Variants in BTRC observed in about 807,000 individuals in gnomAD.
BTRC encodes beta-transducin repeat containing E3 ubiquitin protein ligase.
A neutral mutation model predicts 85.5 loss-of-function variants in BTRC; 42 were observed. That is an observed-to-expected ratio of 0.49 (90% CI 0.38 to 0.64). BTRC has a LOEUF of 0.64. BTRC is among the 30% of genes least tolerant of loss of function. The pLI is 0.00. For synonymous variants in BTRC, 255 were observed against 263.3 expected (o/e 0.97, Z 0.30); for missense variants, 594 against 743.5 (o/e 0.80, Z 2.34).
intron 1 of BTRC, among the ~76,000 whole-genome samples, chr10:101,404,869 G>A (rs1943581699): frequency 6.6e-6 from 1 of 151,984 alleles, no homozygotes; most frequent in Non-Finnish European, 1.5e-5. Flanking sequence ...GTGGTGGCGG[G>A]TGCCTGTAGT....
chr10:101,519,772 G>A (rs998477914), intron 4 of BTRC, among the ~76,000 whole-genome samples: 1 of 152,198 alleles, frequency 6.6e-6, no homozygotes, highest in African/African-American at 2.4e-5. Flanking sequence ...AAGGCGGGCA[G>A]CTCACCTGAG....
intron 1 of BTRC, among the ~76,000 whole-genome samples, chr10:101,382,169 G>A (rs1942951894): frequency 6.6e-6 from 1 of 151,326 alleles, no homozygotes; most frequent in Admixed American, 6.6e-5. Flanking sequence ...TTTTAGTAGA[G>A]ATGGGGTTTC....
rs77924889 is a variant in BTRC at position 101,475,398 on chromosome 10, G to A, written c.235-3970G>A. ...CTACTAAAAATACAAAAATTAGCCGGCCGTGGTGGCACATGTCTGTAATCC... is the reference window on the plus strand; with the variant it reads ...CTACTAAAAATACAAAAATTAGCCGACCGTGGTGGCACATGTCTGTAATCC... On this transcript the variant is annotated intron_variant, in intron 3 of 14. Coordinates refer to ENST00000370187, the MANE Select transcript of BTRC (RefSeq NM_033637.4). Among the ~76,000 whole-genome samples, 677 of 152,226 alleles carry A rather than the reference G, an allele frequency of 4.4e-3. 9 individuals are homozygous for A. The highest frequency in any genetic ancestry group is 0.015 in the African/African-American group (643 of 41,538).
intron 3 of BTRC, among the ~76,000 whole-genome samples, chr10:101,473,540 A>G (rs1945596005): frequency 7.3e-6 from 1 of 136,484 alleles, no homozygotes; most frequent in Admixed American, 8.4e-5. Context: ...GTGCAATCTC[A>G]GCTTACTGCA....
intron 1 of BTRC, among the ~76,000 whole-genome samples, chr10:101,416,340 CCTTTG>C (rs1458963325): frequency 1.3e-5 from 2 of 151,890 alleles, no homozygotes; most frequent in Non-Finnish European, 2.9e-5. Context: ...CCATTTGATC[CCTTTG>C]CTTTGAATGC....
intron 1 of BTRC, among the ~76,000 whole-genome samples, chr10:101,397,143 A>G (rs1943385156): frequency 6.6e-6 from 1 of 152,198 alleles, no homozygotes; most frequent in South Asian, 2.1e-4. Flanking sequence ...TGTTATTGAA[A>G]TAAAATTCTT....
intron 1 of BTRC, among the ~76,000 whole-genome samples, chr10:101,373,810 C>T (rs921173450): frequency 7.9e-5 from 12 of 151,532 alleles, no homozygotes; most frequent in African/African-American, 2.4e-4. Flanking sequence ...CCCAGCTACT[C>T]GGGAGGCTGA....
In BTRC at chr10:101,517,145, A is replaced by G. The variant is rs576562420; in HGVS notation, c.325-4494A>G. Among the ~76,000 whole-genome samples, 10 of 152,310 alleles carry G rather than the reference A, an allele frequency of 6.6e-5. No individual in the cohort carries two copies. The South Asian group carries it at 2.1e-3, about 32-fold the overall frequency. ...CCTGTGTCCAACAAGGTTCTTAGTAATCATTTTTAGTCTGTATCATAGGCA... is the reference window on the plus strand; with the variant it reads ...CCTGTGTCCAACAAGGTTCTTAGTAGTCATTTTTAGTCTGTATCATAGGCA... On this transcript the variant is annotated intron_variant, in intron 4 of 14. Transcript: ENST00000370187.
intron 2 of BTRC, among the ~76,000 whole-genome samples, chr10:101,433,776 A>G (rs886458307): frequency 6.6e-6 from 1 of 152,186 alleles, no homozygotes; most frequent in Non-Finnish European, 1.5e-5. Flanking sequence ...AAGAAGATGC[A>G]TTTAGATATG....
rs775210690 is a variant in BTRC, at chr10:101,354,173, C to T, written c.-8C>T. The stretch of plus-strand genomic sequence containing the variant: ...CGGCGGAGAGCGGACCCAGTGGCCT[C>T]GGCGATTATGGACCCGGCCGAGGCG... On this transcript the variant is annotated 5_prime_UTR_variant, in exon 1 of 15. Coordinates refer to ENST00000370187, the MANE Select transcript of BTRC (RefSeq NM_033637.4). 137 of 1,548,792 alleles carry T rather than the reference C, an allele frequency of 8.8e-5. No individual in the cohort carries two copies. The Admixed American group carries it at 2.6e-3, about 30-fold the overall frequency.
rs557407790 is a variant in BTRC, at chr10:101,537,627, A to G, written c.1578-666A>G. Among the ~76,000 whole-genome samples the G allele has an allele frequency of 2.7e-4, 41 of 152,380 alleles. No homozygotes were observed. In the South Asian group the frequency reaches 8.3e-3, roughly 31 times the overall value. ...GGCAGCTTTTTAAATATCAGAAACTAACAACATTATTTTAGTTCATGAGTT... is the reference window on the plus strand; with the variant it reads ...GGCAGCTTTTTAAATATCAGAAACTGACAACATTATTTTAGTTCATGAGTT... On this transcript the variant is annotated intron_variant, in intron 12 of 14. Coordinates refer to ENST00000370187, the MANE Select transcript of BTRC (RefSeq NM_033637.4).
intron 1 of BTRC, among the ~76,000 whole-genome samples, chr10:101,413,676 A>G (rs1431719161): frequency 1.3e-5 from 2 of 151,796 alleles, no homozygotes; most frequent in Non-Finnish European, 2.9e-5. Context: ...ACATTAAAGG[A>G]AAAAAAAACT....
chr10:101,484,781 C>T (rs1386078252), intron 4 of BTRC, among the ~76,000 whole-genome samples: 1 of 152,166 alleles, frequency 6.6e-6, no homozygotes, highest in Non-Finnish European at 1.5e-5. Context: ...GGGCTTATTG[C>T]TCTTTCAAAA....
At chr10:101,485,402 C>T (rs757209949) in intron 4 of BTRC, among the ~76,000 whole-genome samples, 1 of 152,164 alleles carries the variant, frequency 6.6e-6, no homozygotes, top group African/African-American at 2.4e-5. Context: ...GAAGTCCAGC[C>T]GCATTGATTA....
intron 13 of BTRC, among the ~76,000 whole-genome samples, chr10:101,543,461 TTTG>T (rs2062504831): frequency 6.6e-6 from 1 of 151,818 alleles, no homozygotes; most frequent in African/African-American, 2.4e-5. Flanking sequence ...CATGTTTTTT[TTTG>T]TTTTTTTTTT....
chr10:101,393,752 A>T (rs1943295368), intron 1 of BTRC, among the ~76,000 whole-genome samples: 1 of 152,086 alleles, frequency 6.6e-6, no homozygotes, highest in Non-Finnish European at 1.5e-5. Flanking sequence ...ACACTCCCCC[A>T]CCCTGGAGGA....
intron 3 of BTRC, among the ~76,000 whole-genome samples, chr10:101,463,910 AT>A (rs1337928812): frequency 6.6e-6 from 1 of 151,008 alleles, no homozygotes; most frequent in African/African-American, 2.4e-5. Flanking sequence ...TATAAAAATA[AT>A]TGTTTAGTAA....
intron 4 of BTRC, among the ~76,000 whole-genome samples, chr10:101,500,799 A>G (rs1946381508): frequency 6.6e-6 from 1 of 152,202 alleles, no homozygotes; most frequent in Non-Finnish European, 1.5e-5. Flanking sequence ...GAATGATAGC[A>G]TTTCTTTGCA....
In BTRC at chr10:101,531,814, G is replaced by A. The variant is rs143673816; in HGVS notation, c.840+481G>A. 1.5e-3 allele frequency among the ~76,000 whole-genome samples: 231 copies of A among 152,278 alleles called. 6 individuals are homozygous for A. The East Asian group carries it at 0.037, about 24-fold the overall frequency. Reference sequence around the variant, plus strand: ...GCAAAATTTTAAAGCTTTAAAAAATGGTTTACTAATAAGTAGATGAGAGAG... The same window carrying A: ...GCAAAATTTTAAAGCTTTAAAAAATAGTTTACTAATAAGTAGATGAGAGAG... On this transcript the variant is annotated intron_variant, in intron 7 of 14. Coordinates refer to ENST00000370187, the MANE Select transcript of BTRC (RefSeq NM_033637.4).
Sources: allele counts gnomAD v4.1 joint callset (sites outside exome capture counted in the v4.1 genomes callset), GRCh38; gene constraint gnomAD v4.1.1; transcripts MANE v1.5; gene names NCBI Gene and HGNC (gene_info 2026-07-23, HGNC 2026-07-21).